The following KCTD8 variants were observed in gnomAD, a reference collection of about 807,000 sequenced individuals.
KCTD8 encodes potassium channel tetramerization domain containing 8, also known as BTB/POZ domain-containing protein KCTD8.
A neutral mutation model predicts 31.5 loss-of-function variants in KCTD8; 27 were observed. The ratio of observed to expected loss-of-function variants is 0.86; its 90% CI spans 0.63 to 1.18. KCTD8 has a LOEUF of 1.18. Among genes scored for constraint, KCTD8 ranks in the 50% most tolerant of loss-of-function variants. KCTD8 has a pLI of 0.00. For synonymous variants in KCTD8, 290 were observed against 280.0 expected, an observed-to-expected ratio of 1.04 and a Z score of -0.36; for missense variants, 658 against 647.7, an observed-to-expected ratio of 1.02 and a Z score of -0.17.
intron 1 of KCTD8, among the ~76,000 whole-genome samples, chr4:44,199,794 A>G (rs914220971): frequency 9.9e-5 from 15 of 152,180 alleles, no homozygotes; most frequent in African/African-American, 3.6e-4. Flanking sequence ...AAAAAGAAAT[A>G]TCTAAAACCA....
chr4:44,409,723 C>G (rs184899768), intron 1 of KCTD8, among the ~76,000 whole-genome samples: 29 of 151,618 alleles, frequency 1.9e-4, no homozygotes, highest in African/African-American at 6.8e-4. Context: ...TAAAAAAAAG[C>G]TTTTGCATCT....
rs557059510 is a variant in KCTD8 at position 44,269,340 on chromosome 4, T to G, written c.962-94090A>C. Among the ~76,000 whole-genome samples the G allele has an allele frequency of 2.1e-3, 323 of 151,874 alleles. 1 individual carries two copies. Among genetic ancestry groups the G allele is most frequent in the African/African-American group, 7.2e-3 (298 of 41,284 alleles). On this transcript the variant is annotated intron_variant, in intron 1 of 1. Coordinates refer to ENST00000360029, the MANE Select transcript of KCTD8 (RefSeq NM_198353.3). Reference sequence around the variant, plus strand: ...GCTGGGAAAACTGGCTAGCCATACGTAGAAAGCTGAAACTGGATCCCTTCC... The same window carrying G: ...GCTGGGAAAACTGGCTAGCCATACGGAGAAAGCTGAAACTGGATCCCTTCC...
intron 1 of KCTD8, among the ~76,000 whole-genome samples, chr4:44,237,897 A>G (rs953149054): frequency 1.6e-4 from 25 of 152,168 alleles, no homozygotes; most frequent in Admixed American, 1.4e-3. Context: ...CTGAGGTTCA[A>G]ATTTCAGTTT....
chr4:44,271,536 G>C (rs541873692), intron 1 of KCTD8, among the ~76,000 whole-genome samples: 58 of 152,178 alleles, frequency 3.8e-4, no homozygotes, highest in African/African-American at 1.4e-3. Context: ...CAAAATCTCT[G>C]CAGCATTGTG....
intron 1 of KCTD8, among the ~76,000 whole-genome samples, chr4:44,194,158 G>A (rs1450434568): frequency 1.3e-5 from 2 of 152,146 alleles, no homozygotes; most frequent in Non-Finnish European, 2.9e-5. Flanking sequence ...GATCCAGAAA[G>A]GTTCTGACAT....
intron 1 of KCTD8, among the ~76,000 whole-genome samples, chr4:44,178,103 C>G (rs1164056446): frequency 1.3e-5 from 2 of 152,194 alleles, no homozygotes; most frequent in African/African-American, 4.8e-5. Flanking sequence ...AAAATACTAG[C>G]CTTGTGGCTT....
chr4:44,179,437 A>T (rs1196348805), intron 1 of KCTD8, among the ~76,000 whole-genome samples: 1 of 150,420 alleles, frequency 6.6e-6, no homozygotes, highest in Non-Finnish European at 1.5e-5. Context: ...AAAGAACTTA[A>T]AATAGTTATA....
chr4:44,281,134 A>G (rs1027887058), intron 1 of KCTD8, among the ~76,000 whole-genome samples: 10 of 152,056 alleles, frequency 6.6e-5, no homozygotes, highest in African/African-American at 9.7e-5. Context: ...GATTAGCACG[A>G]GAGCCAGTCT....
intron 1 of KCTD8, among the ~76,000 whole-genome samples, chr4:44,310,626 A>AT (rs2109398859): frequency 6.6e-6 from 1 of 152,252 alleles, no homozygotes; most frequent in South Asian, 2.1e-4. Context: ...TCTTGGTAAC[A>AT]TTAATTCACT....
chr4:44,426,454 A>T (rs1280788040), intron 1 of KCTD8, among the ~76,000 whole-genome samples: 1 of 151,746 alleles, frequency 6.6e-6, no homozygotes, highest in Non-Finnish European at 1.5e-5. Flanking sequence ...AAGAGAATAG[A>T]GGAGGATGGG....
At chr4:44,407,180 C>T (rs2109460886) in intron 1 of KCTD8, among the ~76,000 whole-genome samples, 1 of 152,232 alleles carries the variant, frequency 6.6e-6, no homozygotes, top group South Asian at 2.1e-4. Flanking sequence ...ACACAGATTG[C>T]AGCAGCATCC....
chr4:44,442,774 T>TACACACGTATACACACGTATACACAC (rs10938342), intron 1 of KCTD8, among the ~76,000 whole-genome samples: 1 of 147,234 alleles, frequency 6.8e-6, no homozygotes, highest in African/African-American at 2.5e-5. Flanking sequence ...AACTAAGGTA[T>TACACACGTATACACACGTATACACAC]ACACACACAC....
Position 44,447,924 on chromosome 4 carries a change from G to A in KCTD8, c.600C>T (p.Gly200=). ...PGAHGGGGGG[G]AQDKRSGFLT... Reference sequence around the variant, plus strand: ...GGAAGCCCGAGCGCTTGTCCTGCGCGCCGCCGCCGCCGCCACCACCGTGCG... The same window carrying A: ...GGAAGCCCGAGCGCTTGTCCTGCGCACCGCCGCCGCCGCCACCACCGTGCG... Residue 200 remains glycine (G), a synonymous_variant, in exon 1 of 2, where the codon GGC becomes GGT. Transcript: ENST00000360029. 1 of 1,408,986 alleles carries A rather than the reference G, an allele frequency of 7.1e-7. No individual in the cohort carries two copies. 87.3% of individuals were successfully genotyped at this position (1,408,986 alleles called of 1,614,324 possible). A position where few individuals can be genotyped will look rare whatever the true frequency, so the allele number is the denominator to read the frequency against.
Position 44,184,337 on chromosome 4 carries a change from T to A in KCTD8, c.962-9087A>T, listed in dbSNP as rs577668367. Reference sequence around the variant, plus strand: ...GTTGAAGACAAATGAATAAAATTAATTTATATGTGAGGAAAAATTGAACTC... The same window carrying A: ...GTTGAAGACAAATGAATAAAATTAAATTATATGTGAGGAAAAATTGAACTC... On this transcript the variant is annotated intron_variant, in intron 1 of 1. Transcript: ENST00000360029. 1.3e-4 allele frequency among the ~76,000 whole-genome samples: 20 copies of A among 152,290 alleles called. No homozygotes were observed. In the South Asian group the frequency reaches 4.1e-3, roughly 32 times the overall value.
intron 1 of KCTD8, among the ~76,000 whole-genome samples, chr4:44,426,789 C>G (rs560978521): frequency 6.6e-6 from 1 of 151,716 alleles, no homozygotes; most frequent in South Asian, 2.1e-4. Flanking sequence ...TAATTCATAC[C>G]TTTTAAGTAA....
At chr4:44,377,392 G>A (rs530930020) in intron 1 of KCTD8, among the ~76,000 whole-genome samples, 1 of 152,308 alleles carries the variant, frequency 6.6e-6, no homozygotes, top group African/African-American at 2.4e-5. Context: ...CTGGCAAAGA[G>A]TCTACTCATG....
At chr4:44,357,943 G>A (rs1006581581) in intron 1 of KCTD8, among the ~76,000 whole-genome samples, 1 of 151,834 alleles carries the variant, frequency 6.6e-6, no homozygotes, top group Non-Finnish European at 1.5e-5. Flanking sequence ...TACAAGTGCA[G>A]AAAGTTCAGA....
rs1039830312 is a variant in KCTD8, at chr4:44,174,367, G to C, written c.*423C>G. The C allele has an allele frequency of 6.4e-6, 1 of 155,388 alleles. No individual in the cohort carries two copies. Among genetic ancestry groups the C allele is most frequent in the Non-Finnish European group, 1.4e-5 (1 of 70,178 alleles). 9.6% of individuals were successfully genotyped at this position (155,388 alleles called of 1,614,324 possible). On this transcript the variant is annotated 3_prime_UTR_variant, in exon 2 of 2. Coordinates refer to ENST00000360029, the MANE Select transcript of KCTD8 (RefSeq NM_198353.3). ...AACATTTAGACAGCTTTAGATTTGGGTCCTATAGCCATCGTCTAAAATTTT... is the reference window on the plus strand; with the variant it reads ...AACATTTAGACAGCTTTAGATTTGGCTCCTATAGCCATCGTCTAAAATTTT...
chr4:44,243,019 C>T (rs1460574637), intron 1 of KCTD8, among the ~76,000 whole-genome samples: 2 of 152,022 alleles, frequency 1.3e-5, no homozygotes, highest in African/African-American at 2.4e-5. Flanking sequence ...TTTATAGCAG[C>T]GTAAGAATCA....
Sources: gnomAD v4.1 joint callset for allele counts (sites outside exome capture counted in the v4.1 genomes callset) on GRCh38, gnomAD v4.1.1 for gene constraint, MANE v1.5 for transcripts, NCBI Gene and HGNC (gene_info 2026-07-23, HGNC 2026-07-21) for gene names.